Variants in SH2D4B observed in about 807,000 individuals in gnomAD.
SH2D4B encodes SH2 domain containing 4B, also known as SH2 domain-containing protein 4B.
SH2D4B carries 45 observed loss-of-function variants against 61.5 expected under a neutral mutation model. That is an observed-to-expected ratio of 0.73 (90% CI 0.58 to 0.94). The LOEUF (loss-of-function observed/expected upper bound fraction) is 0.94. SH2D4B is among the 40% of genes least tolerant of loss of function. SH2D4B has a pLI of 0.00. For missense variants in SH2D4B, 572 were observed against 574.2 expected (o/e 1.00, Z 0.04); for synonymous variants, 224 against 220.4 (o/e 1.02, Z -0.14).
intron 1 of SH2D4B, among the ~76,000 whole-genome samples, chr10:80,541,614 G>A (rs1473634013): frequency 2.6e-5 from 4 of 152,044 alleles, no homozygotes; most frequent in Non-Finnish European, 4.4e-5. Flanking sequence ...AACATTCCTC[G>A]CTCCTGGCAA....
At chr10:80,585,904 G>A (rs1480026694) in intron 3 of SH2D4B, among the ~76,000 whole-genome samples, 1 of 152,062 alleles carries the variant, frequency 6.6e-6, no homozygotes, top group Non-Finnish European at 1.5e-5. Flanking sequence ...AACCGGGGCT[G>A]CACGTGGCGC....
At chr10:80,554,465 T>A (rs7097208) in intron 1 of SH2D4B, among the ~76,000 whole-genome samples, 1 of 152,110 alleles carries the variant, frequency 6.6e-6, no homozygotes, top group Non-Finnish European at 1.5e-5. Flanking sequence ...TGTGCTTACA[T>A]AATTATTTTA....
rs534860215 is a variant in SH2D4B at position 80,646,239 on chromosome 10, G to A, written c.*2154G>A. On this transcript the variant is annotated 3_prime_UTR_variant, in exon 8 of 8. Coordinates refer to ENST00000646907, the MANE Select transcript of SH2D4B (RefSeq NM_001388272.1). ...ATGTGATGATTTTCAAGGTGTTGGA[G>A]GCAACTTCTGTTCCAAGAACTCCCA... 2 of 152,728 alleles carry A rather than the reference G, an allele frequency of 1.3e-5. No individual in the cohort carries two copies. Among genetic ancestry groups the A allele is most frequent in the Admixed American group, 1.3e-4 (2 of 15,302 alleles). The allele number at this position is 152,728 out of a possible 1,614,324, so 9.5% of individuals were successfully genotyped here.
intron 7 of SH2D4B, among the ~76,000 whole-genome samples, chr10:80,636,649 G>T (rs1405349324): frequency 1.3e-5 from 2 of 151,744 alleles, no homozygotes; most frequent in African/African-American, 4.8e-5. Flanking sequence ...GGGATTGTTT[G>T]TTTTTTTTCT....
At chr10:80,613,343 A>G (rs1842624345) in intron 6 of SH2D4B, among the ~76,000 whole-genome samples, 1 of 152,262 alleles carries the variant, frequency 6.6e-6, no homozygotes, top group Admixed American at 6.5e-5. Flanking sequence ...TTCGACATGT[A>G]TCTAAAATTA....
At chr10:80,642,570 A>G (rs187702034) in intron 7 of SH2D4B, among the ~76,000 whole-genome samples, 17 of 152,346 alleles carry the variant, frequency 1.1e-4, no homozygotes, top group Admixed American at 9.8e-4. Context: ...ATTCAGATAT[A>G]TCTATGAGCT....
chr10:80,611,175 C>CAAAAA (rs35997031), intron 6 of SH2D4B, among the ~76,000 whole-genome samples: 4 of 45,056 alleles, frequency 8.9e-5, no homozygotes, highest in Non-Finnish European at 1.2e-4. Flanking sequence ...GACTCAGTCT[C>CAAAAA]AAAAAAAAAA....
At chr10:80,615,900 T>A (rs1842654148) in intron 6 of SH2D4B, among the ~76,000 whole-genome samples, 1 of 152,216 alleles carries the variant, frequency 6.6e-6, no homozygotes, top group Admixed American at 6.5e-5. Context: ...TGTATCAACA[T>A]TTTTAAAGTG....
intron 1 of SH2D4B, among the ~76,000 whole-genome samples, chr10:80,544,037 C>T (rs1026943606): frequency 2.0e-5 from 3 of 152,092 alleles, no homozygotes; most frequent in Admixed American, 2.0e-4. Flanking sequence ...GCTGCCCAAG[C>T]CAGCAGTGAC....
chr10:80,624,688 G>A (rs898411830), intron 6 of SH2D4B, among the ~76,000 whole-genome samples: 9 of 152,032 alleles, frequency 5.9e-5, no homozygotes, highest in African/African-American at 2.2e-4. Flanking sequence ...GTGGGACCTG[G>A]GCATCAGCCA....
At chr10:80,573,442 C>T (rs1330249813) in intron 3 of SH2D4B, among the ~76,000 whole-genome samples, 1 of 152,076 alleles carries the variant, frequency 6.6e-6, no homozygotes, top group African/African-American at 2.4e-5. Flanking sequence ...ACATCACAAG[C>T]TTATAAAAAT....
At chr10:80,610,669 C>A (rs142946033) in intron 6 of SH2D4B, among the ~76,000 whole-genome samples, 1 of 152,336 alleles carries the variant, frequency 6.6e-6, no homozygotes, top group East Asian at 1.9e-4. Context: ...CCATCTTCCT[C>A]TGTTGCCACT....
chr10:80,635,271 C>G (rs1211205614), intron 7 of SH2D4B, among the ~76,000 whole-genome samples: 1 of 152,134 alleles, frequency 6.6e-6, no homozygotes, highest in Non-Finnish European at 1.5e-5. Flanking sequence ...GTTCGTGTGG[C>G]CGTTGGCATC....
At chr10:80,610,457 G>A (rs749788562) in intron 6 of SH2D4B, among the ~76,000 whole-genome samples, 72 of 152,208 alleles carry the variant, frequency 4.7e-4, no homozygotes, top group Non-Finnish European at 8.5e-4. Flanking sequence ...TTAGATCCCA[G>A]GCTTTACAGT....
intron 7 of SH2D4B, among the ~76,000 whole-genome samples, chr10:80,643,641 C>T (rs1482697693): frequency 2.0e-5 from 3 of 151,958 alleles, no homozygotes; most frequent in African/African-American, 7.3e-5. Context: ...CCTCATTCCC[C>T]GACCTGCTTG....
At chr10:80,586,740 G>T (rs965631169) in intron 3 of SH2D4B, among the ~76,000 whole-genome samples, 1 of 152,178 alleles carries the variant, frequency 6.6e-6, no homozygotes, top group Admixed American at 6.5e-5. Flanking sequence ...TCCCCTTGCC[G>T]CTGTGGAAGC....
At chr10:80,545,554 C>T (rs115783027) in intron 1 of SH2D4B, among the ~76,000 whole-genome samples, 1,787 of 146,270 alleles carry the variant, frequency 0.012, 31 homozygotes, top group African/African-American at 0.045. Context: ...TTCTTCTACT[C>T]CCTCTCCTCT....
intron 3 of SH2D4B, among the ~76,000 whole-genome samples, 191 bp downstream of exon 3, chr10:80,571,769 T>C (rs1842048480): frequency 6.6e-6 from 1 of 150,718 alleles, no homozygotes; most frequent in South Asian, 2.1e-4. Context: ...CTGTTTCTTT[T>C]TTTTTTCTTT....
At chr10:80,572,943 CAAATATATATATATATATATATAT>C (rs1842067600) in intron 3 of SH2D4B, among the ~76,000 whole-genome samples, 1 of 36,512 alleles carries the variant, frequency 2.7e-5, no homozygotes, top group African/African-American at 1.0e-4. Flanking sequence ...ATGTATGTTG[CAAATATATATATATATATATATAT>C]ATATATATAT....
Sources: gnomAD v4.1 joint callset for allele counts (sites outside exome capture counted in the v4.1 genomes callset) on GRCh38, gnomAD v4.1.1 for gene constraint, MANE v1.5 for transcripts, NCBI Gene and HGNC (gene_info 2026-07-23, HGNC 2026-07-21) for gene names.